FAM193B: variants seen among roughly 807,000 people sequenced by gnomAD.
FAM193B encodes the protein family with sequence similarity 193 member B, also known as protein FAM193B.
A neutral mutation model predicts 70.7 loss-of-function variants in FAM193B; 27 were observed. That is an observed-to-expected ratio of 0.38 (90% CI 0.28 to 0.53). The LOEUF is 0.53. Among genes scored for constraint, FAM193B ranks in the 20% least tolerant of loss-of-function variants. The pLI is 0.81. For synonymous variants in FAM193B, 448 were observed against 436.0 expected (o/e 1.03, Z -0.34); for missense variants, 1,022 against 1,072.5 (o/e 0.95, Z 0.66).
At chr5:177,527,794 C>T (rs1484362574) in intron 5 of FAM193B, among the ~76,000 whole-genome samples, 1 of 152,190 alleles carries the variant, frequency 6.6e-6, no homozygotes, top group African/African-American at 2.4e-5. Flanking sequence ...GCCCAGTGCT[C>T]CGGCTCAGGC....
chr5:177,531,315 G>A (rs775304668), intron 5 of FAM193B: 21 of 1,348,442 alleles, frequency 1.6e-5, no homozygotes, highest in South Asian at 1.2e-4. Flanking sequence ...CCCGCTTGGC[G>A]GCCCTGGCGC....
At position 177,522,737 on chromosome 5, in the gene FAM193B, CAG is replaced by C. The variant is rs1419303677; in HGVS notation, c.2373-668_2373-667del. On this transcript the variant is annotated intron_variant, in intron 7 of 8. Coordinates refer to ENST00000514747, the MANE Select transcript of FAM193B (RefSeq NM_001190946.3). ...TATTTTTATTTTTATTTATTTGAGA[CAG>C]AGTCTTACTCTGTTACCCAGGCTGA... is the stretch of plus-strand genomic sequence containing the variant. Among the ~76,000 whole-genome samples the C allele has an allele frequency of 3.9e-5, 6 of 152,298 alleles. No individual in the cohort carries two copies. The South Asian group carries it at 6.2e-4, about 16-fold the overall frequency.
At chr5:177,546,186 T>C (rs1765403984) in intron 1 of FAM193B, among the ~76,000 whole-genome samples, 2 of 152,264 alleles carry the variant, frequency 1.3e-5, no homozygotes, top group African/African-American at 2.4e-5. Flanking sequence ...GGGAAACATC[T>C]ACCCTTGACA....
At position 177,539,013 on chromosome 5, in the gene FAM193B, T is replaced by C; in HGVS notation, c.345A>G (p.Pro115=). Residue 115 remains proline, a synonymous_variant, in exon 2 of 9, where the codon CCA becomes CCG. Transcript: ENST00000514747. ...CGCCTAGGAGATTCTTGACGAGCTT[T>C]GGCATGAAGTCAGGGGGCAGCTTCT... is the stretch of plus-strand genomic sequence containing the variant. ...QGEKLPPDFM[P]KLVKNLLGEM... 3 of 1,614,054 alleles carry C rather than the reference T, an allele frequency of 1.9e-6. No individual in the cohort carries two copies. The highest frequency in any genetic ancestry group is 1.3e-5 in the African/African-American group (1 of 75,064).
At chr5:177,527,526 C>T (rs1334335017) in intron 5 of FAM193B, among the ~76,000 whole-genome samples, 2 of 152,210 alleles carry the variant, frequency 1.3e-5, no homozygotes, top group African/African-American at 4.8e-5. Flanking sequence ...CTATGGCTGC[C>T]ACAGCAGCCC....
rs568133372 is a variant in FAM193B at position 177,549,043 on chromosome 5, G to GC, written c.210+5205dup. 2.4e-3 allele frequency among the ~76,000 whole-genome samples: 363 copies of GC among 152,200 alleles called. 2 individuals carry two copies. The highest frequency in any genetic ancestry group is 5.0e-3 in the South Asian group (24 of 4,820). On this transcript the variant is annotated intron_variant, in intron 1 of 8. Transcript: ENST00000514747. ...AACCTTGAAGACTCAGCTCTGAGAA[G>GC]CATTCTCTGACCCATCTTCCTCTAG... is the stretch of plus-strand genomic sequence containing the variant.
At chr5:177,531,531 G>C (rs554561813) in intron 5 of FAM193B, 2 of 1,283,498 alleles carry the variant, frequency 1.6e-6, no homozygotes, top group Non-Finnish European at 2.1e-6. Context: ...GCTGGGGGTG[G>C]GGGGGAGGTG....
chr5:177,529,663 G>A (rs543496156), intron 5 of FAM193B, among the ~76,000 whole-genome samples: 3 of 152,320 alleles, frequency 2.0e-5, no homozygotes, highest in African/African-American at 7.2e-5. Flanking sequence ...AGGAAAGTTT[G>A]TCAGAAGAAA....
chr5:177,538,444 C>T lies in FAM193B; in HGVS notation c.454-337G>A, dbSNP rs945781734. On this transcript the variant is annotated intron_variant, in intron 2 of 8. Transcript: ENST00000514747. The surrounding 1 kb of genome is among the most constrained non-coding windows in gnomAD (Gnocchi z 4.1). ...CAGGAGTCCTGAAGCTAAACTGTTCCTGGGTAAAAGGGAAGATCTGCAGCG... is the reference window on the plus strand; with the variant it reads ...CAGGAGTCCTGAAGCTAAACTGTTCTTGGGTAAAAGGGAAGATCTGCAGCG... Among the ~76,000 whole-genome samples, 1 of 152,132 alleles carries T rather than the reference C, an allele frequency of 6.6e-6. No homozygotes were observed. Among genetic ancestry groups the T allele is most frequent in the Admixed American group, 6.5e-5 (1 of 15,268 alleles).
At chr5:177,537,819 A>G in intron 3 of FAM193B, 54 bp downstream of exon 3, 1 of 1,542,324 alleles carries the variant, frequency 6.5e-7, no homozygotes, top group Non-Finnish European at 8.7e-7. Flanking sequence ...GGATAGGAAA[A>G]CACAGCTGTC....
Position 177,536,399 on chromosome 5 carries a change from G to A in FAM193B, c.1035C>T (p.Leu345=), listed in dbSNP as rs337356. 1.4e-4 allele frequency: 231 copies of A among 1,609,298 alleles called. No homozygotes were observed. The African/African-American group carries it at 2.7e-3, about 19-fold the overall frequency. ...GHCGGHCSGP[L]LPPPSSQPLP... ...GTGGCTGAGAGCTCGGGGGTGGGAGGAGAGGCCCACTGCAGTGCCCACCAC... is the reference window on the plus strand; with the variant it reads ...GTGGCTGAGAGCTCGGGGGTGGGAGAAGAGGCCCACTGCAGTGCCCACCAC... The change falls in exon 4 of 9, where the codon CTC becomes CTT. Residue 345 remains leucine (L), a synonymous_variant. Transcript: ENST00000514747.
chr5:177,526,002 G>A (rs1466791090), intron 5 of FAM193B, among the ~76,000 whole-genome samples: 1 of 152,264 alleles, frequency 6.6e-6, no homozygotes, highest in Non-Finnish European at 1.5e-5. Flanking sequence ...CCCTCGGGAA[G>A]GAGGTTGCTG....
At chr5:177,554,134 A>G in intron 1 of FAM193B, 115 bp downstream of exon 1, 2 of 1,417,904 alleles carry the variant, frequency 1.4e-6, no homozygotes, top group Non-Finnish European at 1.9e-6. Context: ...ACCCGGGGGA[A>G]GGCTGCTACC....
chr5:177,534,400 G>A lies in FAM193B; in HGVS notation c.1077-1759C>T, dbSNP rs180722658. On this transcript the variant is annotated intron_variant, in intron 4 of 8. Transcript: ENST00000514747. ...CAACCTCCGCCTCCCAGGTTCATGC[G>A]ATTCTCCTGCCTCAGCCTCCTGAGT... Among the ~76,000 whole-genome samples, 82 of 150,470 alleles carry A rather than the reference G, an allele frequency of 5.4e-4. 1 individual carries two copies. Among genetic ancestry groups the A allele is most frequent in the African/African-American group, 1.9e-3 (79 of 40,904 alleles).
chr5:177,528,794 T>C (rs964515787), intron 5 of FAM193B, among the ~76,000 whole-genome samples: 2 of 152,270 alleles, frequency 1.3e-5, no homozygotes, highest in Admixed American at 6.5e-5. Flanking sequence ...CAGGGAACCA[T>C]GAGAGGCCCG....
intron 1 of FAM193B, chr5:177,553,966 G>A (rs1327508739): frequency 2.2e-5 from 28 of 1,256,506 alleles, no homozygotes; most frequent in African/African-American, 3.1e-5. Flanking sequence ...CCCAGTCCCA[G>A]TCCCAGTCCC....
At chr5:177,554,103 G>T in intron 1 of FAM193B, 146 bp downstream of exon 1, 2 of 1,397,014 alleles carry the variant, frequency 1.4e-6, no homozygotes, top group Non-Finnish European at 1.9e-6. Context: ...CCCGCCCCGG[G>T]GGAGAAAGCT....
chr5:177,544,849 G>A (rs1317279977), intron 1 of FAM193B, among the ~76,000 whole-genome samples: 1 of 152,142 alleles, frequency 6.6e-6, no homozygotes, highest in Non-Finnish European at 1.5e-5. Flanking sequence ...TTCAATAATG[G>A]AAATTATTTG....
Position 177,536,451 on chromosome 5 carries a change from C to T in FAM193B, c.983G>A (p.Gly328Glu), listed in dbSNP as rs750971775. 1.6e-5 allele frequency: 25 copies of T among 1,589,448 alleles called. No individual in the cohort carries two copies. In the African/African-American group the frequency reaches 3.4e-4, roughly 22 times the overall value. ...PLLKMPPPFS[G>E]CSHPCSGHCG... ...GTGCCCGCTGCAGGGGTGGCTGCAC[C>T]CCGAGAATGGTGGGGGCATCTTCAG... is the stretch of plus-strand genomic sequence containing the variant. Residue 328 changes from glycine (G) to glutamate (E), a missense_variant, in exon 4 of 9, where the codon GGG (glycine) becomes GAG (glutamate). Gly to Glu is a moderately conservative substitution (Grantham distance 98). Transcript: ENST00000514747.
Sources: gnomAD v4.1 joint callset for allele counts (sites outside exome capture counted in the v4.1 genomes callset) on GRCh38, gnomAD v4.1.1 for gene constraint, Gnocchi (gnomAD v3.1) non-coding constraint, MANE v1.5 for transcripts, NCBI Gene and HGNC (gene_info 2026-07-23, HGNC 2026-07-21) for gene names.